Variants in PHF24 observed in about 807,000 individuals in gnomAD.
PHF24 encodes Galpha inhibitory interacting protein.
Under a neutral mutation model 42.6 loss-of-function variants are expected in PHF24, and 25 were observed. The ratio of observed to expected loss-of-function variants is 0.59; its 90% CI spans 0.43 to 0.82. The LOEUF (loss-of-function observed/expected upper bound fraction) is 0.82. Among genes scored for constraint, PHF24 ranks in the 40% least tolerant of loss-of-function variants. PHF24 has a pLI of 0.00. For synonymous variants in PHF24, 185 were observed against 204.8 expected, an observed-to-expected ratio of 0.90 and a Z score of 0.83; for missense variants, 470 against 538.1, an observed-to-expected ratio of 0.87 and a Z score of 1.25.
At chr9:34,782,214 G>A in the PHF24 span, among the ~76,000 whole-genome samples, 7 of 152,142 alleles carry the variant, frequency 4.6e-5, no homozygotes, top group Non-Finnish European at 1.0e-4. Flanking sequence ...ATCAGTGGAT[G>A]GTCACATGTC....
chr9:34,723,837 C>T, the PHF24 span: 1 of 1,551,720 alleles, frequency 6.4e-7, no homozygotes, highest in Non-Finnish European at 8.7e-7. Flanking sequence ...AGGTCCTTCT[C>T]AGACTCTTTC....
the PHF24 span, among the ~76,000 whole-genome samples, chr9:34,875,227 G>C: frequency 6.6e-6 from 1 of 152,114 alleles, no homozygotes; most frequent in Non-Finnish European, 1.5e-5. Flanking sequence ...TTAAGCTTGA[G>C]AATTCTGTTC....
the PHF24 span, among the ~76,000 whole-genome samples, chr9:34,769,574 A>C: frequency 2.6e-5 from 4 of 152,230 alleles, no homozygotes; most frequent in African/African-American, 9.6e-5. Flanking sequence ...AGCTGATTCT[A>C]AATTTATGGT....
chr9:34,765,972 C>T, the PHF24 span, among the ~76,000 whole-genome samples: 6 of 151,714 alleles, frequency 4.0e-5, no homozygotes, highest in African/African-American at 1.2e-4. Flanking sequence ...CTTAGTTTGG[C>T]TGGATATGAA....
At chr9:34,682,917 C>T in the PHF24 span, among the ~76,000 whole-genome samples, 3 of 152,084 alleles carry the variant, frequency 2.0e-5, no homozygotes, top group African/African-American at 7.2e-5. Context: ...GCAGGCTGAC[C>T]ACCTAACACT....
the PHF24 span, chr9:34,836,067 A>C: frequency 1.8e-6 from 1 of 571,258 alleles, no homozygotes. Context: ...AAAGAGAAAC[A>C]TGGCAAACAT....
chr9:34,694,845 A>T, the PHF24 span, among the ~76,000 whole-genome samples: 1 of 152,214 alleles, frequency 6.6e-6, no homozygotes, highest in Non-Finnish European at 1.5e-5. Flanking sequence ...ATCCCATGTT[A>T]GTTCCTTAAT....
At chr9:34,977,393 C>A in intron 6 of PHF24, 150 bp downstream of exon 6, 1 of 1,204,506 alleles carries the variant, frequency 8.3e-7, no homozygotes, top group Non-Finnish European at 1.2e-6. Context: ...GCCTACGGGC[C>A]AGGGCATAGG....
chr9:34,935,803 C>T, the PHF24 span, among the ~76,000 whole-genome samples: 11 of 150,482 alleles, frequency 7.3e-5, no homozygotes, highest in South Asian at 8.5e-4. Flanking sequence ...GATGAGAATG[C>T]GAAAATTATC....
chr9:34,892,663 G>T, the PHF24 span: 1 of 460,062 alleles, frequency 2.2e-6, no homozygotes. Context: ...GCTGACCTTG[G>T]TTCTCCAGGA....
At chr9:34,773,285 C>T in the PHF24 span, among the ~76,000 whole-genome samples, 4 of 152,118 alleles carry the variant, frequency 2.6e-5, no homozygotes, top group Admixed American at 6.5e-5. Context: ...CCACCGTGCC[C>T]GGCCCAGAGT....
chr9:34,825,065 AT>A, the PHF24 span, among the ~76,000 whole-genome samples: 2 of 152,108 alleles, frequency 1.3e-5, no homozygotes, highest in Non-Finnish European at 1.5e-5. Context: ...ATATGAGATC[AT>A]GTCTTGTGTA....
At chr9:34,931,491 G>GAGCA in the PHF24 span, among the ~76,000 whole-genome samples, 1 of 151,854 alleles carries the variant, frequency 6.6e-6, no homozygotes, top group African/African-American at 2.4e-5. Context: ...CTCAGGTGAT[G>GAGCA]GGTGCACCAA....
At chr9:34,749,940 G>A in the PHF24 span, among the ~76,000 whole-genome samples, 3 of 152,140 alleles carry the variant, frequency 2.0e-5, no homozygotes, top group South Asian at 6.2e-4. Context: ...CATATTTGAA[G>A]TGCTGAAGGA....
the PHF24 span, among the ~76,000 whole-genome samples, chr9:34,792,647 C>T: frequency 6.6e-6 from 1 of 150,992 alleles, no homozygotes; most frequent in East Asian, 1.9e-4. Flanking sequence ...GCACTCCAGC[C>T]TGGGCAACAA....
the PHF24 span, chr9:34,727,064 ACTCTCCTTTCC>A: frequency 1.3e-6 from 2 of 1,487,700 alleles, no homozygotes; most frequent in South Asian, 2.7e-5. Flanking sequence ...TGGAGTGGGC[ACTCTCCTTTCC>A]CAGTCCTGAA....
At chr9:34,904,435 G>C in the PHF24 span, among the ~76,000 whole-genome samples, 6 of 152,184 alleles carry the variant, frequency 3.9e-5, no homozygotes, top group East Asian at 7.7e-4. Flanking sequence ...AATCATAAAG[G>C]GATGCTGGAT....
At chr9:34,732,431 G>T in the PHF24 span, among the ~76,000 whole-genome samples, 1 of 152,148 alleles carries the variant, frequency 6.6e-6, no homozygotes, top group African/African-American at 2.4e-5. Flanking sequence ...TTTGACAAAA[G>T]ATCTTTTGTC....
chr9:34,665,991 T>TGA, the PHF24 span: 2 of 421,586 alleles, frequency 4.7e-6, no homozygotes, highest in South Asian at 5.3e-5. Context: ...GAGGGGGGGC[T>TGA]GAGAGGGGTC....
Sources: gnomAD v4.1 joint callset for allele counts (sites outside exome capture counted in the v4.1 genomes callset) on GRCh38, gnomAD v4.1.1 for gene constraint, MANE v1.5 for transcripts, NCBI Gene and HGNC (gene_info 2026-07-23, HGNC 2026-07-21) for gene names.